LPIN3: variants seen among roughly 807,000 people sequenced by gnomAD.
LPIN3 encodes phosphatidate phosphatase LPIN3.
LPIN3 carries 82 observed loss-of-function variants against 94.7 expected under a neutral mutation model. The observed-to-expected ratio is 0.87, with a 90% CI of 0.72 to 1.04. LPIN3 has a LOEUF of 1.04. Ranked by LOEUF, LPIN3 falls within the 50% of genes least tolerant of loss-of-function variation. The pLI is 0.00. For synonymous variants in LPIN3, 418 were observed against 443.3 expected, an observed-to-expected ratio of 0.94 and a Z score of 0.72; for missense variants, 996 against 1,090.5, an observed-to-expected ratio of 0.91 and a Z score of 1.22.
Position 41,352,862 on chromosome 20 carries a change from C to A in LPIN3, c.1522C>A (p.Pro508Thr), listed in dbSNP as rs150225334. Residue 508 changes from proline (P) to threonine (T), a missense_variant, in exon 11 of 20, where the codon CCC becomes ACC. Physicochemically the swap from Pro to Thr is conservative, Grantham distance 38. Transcript: ENST00000373257. ...CCTGCAAGCCTTCCAGAAAAACTTG[C>A]CCAAGGTAATGGTTAGAGCACCACT... is the stretch of plus-strand genomic sequence containing the variant. ...LSLQAFQKNL[P>T]KSTMDKLERE... 1.6e-3 allele frequency: 2,660 copies of A among 1,614,178 alleles called. 5 individuals are homozygous for A. The highest frequency in any genetic ancestry group is 2.1e-3 in the Non-Finnish European group (2,505 of 1,180,006).
At chr20:41,345,392 A>T (rs964385786) in intron 1 of LPIN3, among the ~76,000 whole-genome samples, 2 of 152,192 alleles carry the variant, frequency 1.3e-5, no homozygotes, top group African/African-American at 4.8e-5. Context: ...GCTCATCTGT[A>T]AACAGGAATA....
intron 14 of LPIN3, 27 bp downstream of exon 14, chr20:41,356,061 T>C (rs1330209067): frequency 8.1e-6 from 13 of 1,608,376 alleles, no homozygotes; most frequent in Admixed American, 5.0e-5. Flanking sequence ...TGTGTGGAGG[T>C]TGGGGAGGGG....
At chr20:41,354,525 G>A in intron 11 of LPIN3, 120 bp from the exon 12 acceptor site, 5 of 891,746 alleles carry the variant, frequency 5.6e-6, no homozygotes, top group Non-Finnish European at 8.3e-6. Context: ...GATGTTGACA[G>A]CACCTTACCC....
In LPIN3 at chr20:41,348,845, G is replaced by A. The variant is rs1243087116; in HGVS notation, c.515G>A (p.Ser172Asn). ...SPEELEAGAE[S>N]ELSLPEKLRP... ...GAGGAACTGGAGGCAGGCGCTGAGAGTGAGCTATCCCTGCCGGAAAAGCTG... is the reference window on the plus strand; with the variant it reads ...GAGGAACTGGAGGCAGGCGCTGAGAATGAGCTATCCCTGCCGGAAAAGCTG... Residue 172 changes from serine (S) to asparagine (N), a missense_variant, in exon 4 of 20, where the codon AGT becomes AAT. Transcript: ENST00000373257. 2 of 1,608,746 alleles carry A rather than the reference G, an allele frequency of 1.2e-6. No individual in the cohort carries two copies. Among genetic ancestry groups the A allele is most frequent in the Non-Finnish European group, 1.7e-6 (2 of 1,177,588 alleles).
chr20:41,347,509 G>C, intron 2 of LPIN3, 43 bp from the exon 3 acceptor site: 2 of 1,589,104 alleles, frequency 1.3e-6, no homozygotes, highest in Non-Finnish European at 1.7e-6. Context: ...TCGGAAGCAT[G>C]GGCGTGAAGG....
At chr20:41,348,384 T>A (rs1380815857) in intron 3 of LPIN3, among the ~76,000 whole-genome samples, 1 of 152,102 alleles carries the variant, frequency 6.6e-6, no homozygotes, top group East Asian at 1.9e-4. Context: ...GAAGAGGAGA[T>A]CAGAGGCCGA....
At chr20:41,342,779 G>A (rs1421578075) in intron 1 of LPIN3, among the ~76,000 whole-genome samples, 1 of 152,162 alleles carries the variant, frequency 6.6e-6, no homozygotes. Flanking sequence ...TTGGTGAAGT[G>A]GGGGGAACAG....
chr20:41,355,212 C>G (rs2046168942), intron 13 of LPIN3, among the ~76,000 whole-genome samples: 1 of 152,168 alleles, frequency 6.6e-6, no homozygotes, highest in African/African-American at 2.4e-5. Flanking sequence ...AGGGTTTCAC[C>G]CTGTTGGTCA....
chr20:41,358,008 C>CA lies in LPIN3; in HGVS notation c.2167dup (p.Ser723LysfsTer26). 12 of 1,609,018 alleles carry CA rather than the reference C, an allele frequency of 7.5e-6. No individual in the cohort carries two copies. The highest frequency in any genetic ancestry group is 9.3e-6 in the Non-Finnish European group (11 of 1,177,736). ...CCAAGGGCCCCATCCTTCTGTCTCC[C>CA]AGCAGCCTCTTCTCTGCCCTCCACA... On this transcript the variant is annotated frameshift_variant, in exon 17 of 20. Transcript: ENST00000373257. LOFTEE classifies it high-confidence loss of function.
Position 41,357,871 on chromosome 20 carries a change from C to T in LPIN3, c.2040-11C>T. Reference sequence around the variant, plus strand: ...CTGATGGCTCTATGCCACCCTGTCCCCCACTCTCAGAAATGGGTACAAGTT... The same window carrying T: ...CTGATGGCTCTATGCCACCCTGTCCTCCACTCTCAGAAATGGGTACAAGTT... On this transcript the variant is annotated splice_polypyrimidine_tract_variant and intron_variant, in intron 16 of 19. Transcript: ENST00000373257. 1 of 1,614,000 alleles carries T rather than the reference C, an allele frequency of 6.2e-7. No homozygotes were observed. The highest frequency in any genetic ancestry group is 8.5e-7 in the Non-Finnish European group (1 of 1,179,982).
Position 41,357,873 on chromosome 20 carries a change from C to T in LPIN3, c.2040-9C>T, listed in dbSNP as rs775981379. ...GATGGCTCTATGCCACCCTGTCCCC[C>T]ACTCTCAGAAATGGGTACAAGTTCC... On this transcript the variant is annotated splice_polypyrimidine_tract_variant and intron_variant, in intron 16 of 19. Coordinates refer to ENST00000373257, the MANE Select transcript of LPIN3 (RefSeq NM_022896.3). The T allele has an allele frequency of 6.2e-7, 1 of 1,614,020 alleles. No homozygotes were observed. The highest frequency in any genetic ancestry group is 8.5e-7 in the Non-Finnish European group (1 of 1,179,974).
intron 1 of LPIN3, 43 bp downstream of exon 1, chr20:41,341,045 C>T (rs1278337439): frequency 6.6e-6 from 1 of 152,092 alleles, no homozygotes; most frequent in Non-Finnish European, 1.5e-5. Flanking sequence ...CCTCTCCCCT[C>T]CCGCCCTGCC....
chr20:41,350,133 C>A lies in LPIN3; in HGVS notation c.838C>A (p.Pro280Thr). 1 of 1,612,840 alleles carries A rather than the reference C, an allele frequency of 6.2e-7. No homozygotes were observed. The highest frequency in any genetic ancestry group is 8.5e-7 in the Non-Finnish European group (1 of 1,179,666). ...AGATSPPRGGPSTPSTSVAGG... is the reference protein window; with the variant it reads ...AGATSPPRGGTSTPSTSVAGG... ...GGCAACCTCTCCTCCTCGGGGAGGA[C>A]CCAGCACTCCCTCTACCTCTGTGGC... The change falls in exon 7 of 20, where the codon CCC becomes ACC. Residue 280 changes from proline (P) to threonine (T), a missense_variant. Transcript: ENST00000373257.
chr20:41,352,627 T>C lies in LPIN3; in HGVS notation c.1385T>C (p.Val462Ala). 6.2e-7 allele frequency: 1 copy of C among 1,614,154 alleles called. No homozygotes were observed. Among genetic ancestry groups the C allele is most frequent in the Non-Finnish European group, 8.5e-7 (1 of 1,180,010 alleles). ...CCAGAGAAATTCAACCAGCACAGCG[T>C]CTCTTACCAGGACCTCACCAAAAAC... ...ISLEKFNQHS[V>A]SYQDLTKNPG... The change falls in exon 10 of 20, where the codon GTC becomes GCC. Residue 462 changes from valine (V) to alanine (A), a missense_variant. Coordinates refer to ENST00000373257, the MANE Select transcript of LPIN3 (RefSeq NM_022896.3).
At position 41,354,656 on chromosome 20, in the gene LPIN3, C is replaced by T. The variant is rs1364814582; in HGVS notation, c.1539C>T (p.Asp513=). 1 of 1,587,432 alleles carries T rather than the reference C, an allele frequency of 6.3e-7. No individual in the cohort carries two copies. The highest frequency in any genetic ancestry group is 1.2e-5 in the South Asian group (1 of 85,992). Residue 513 remains aspartate (D), a synonymous_variant, in exon 12 of 20, where the codon GAC becomes GAT. Coordinates refer to ENST00000373257, the MANE Select transcript of LPIN3 (RefSeq NM_022896.3). ...TCATCTGCCCACAGAGCACCATGGA[C>T]AAGCTGGAGAGGGAGAAGATGCCCC... is the stretch of plus-strand genomic sequence containing the variant. ...FQKNLPKSTM[D]KLEREKMPRK...
chr20:41,347,403 C>CCGG, intron 2 of LPIN3, 149 bp from the exon 3 acceptor site: 1 of 673,008 alleles, frequency 1.5e-6, no homozygotes, highest in East Asian at 2.7e-5. Flanking sequence ...TCGTGGGGAG[C>CCGG]AGCCAGGCAC....
At chr20:41,350,001 G>A (rs924083017) in intron 6 of LPIN3, 54 bp from the exon 7 acceptor site, 22 of 1,558,916 alleles carry the variant, frequency 1.4e-5, no homozygotes, top group Non-Finnish European at 1.8e-5. Flanking sequence ...CAAAAGCTTT[G>A]TGGGGCATGG....
chr20:41,359,934 T>TC lies in LPIN3; in HGVS notation c.*1070dup, dbSNP rs2046335545. The TC allele has an allele frequency of 6.6e-6, 1 of 152,434 alleles. No homozygotes were observed. Among genetic ancestry groups the TC allele is most frequent in the Admixed American group, 6.5e-5 (1 of 15,280 alleles). The allele number at this position is 152,434 out of a possible 1,614,324, so 9.4% of individuals were successfully genotyped here. ...GCAGGGCTGATGCCCCAGCAACCTC[T>TC]CCTCCCACTGTCTTTGAAGAAAGTA... On this transcript the variant is annotated 3_prime_UTR_variant, in exon 20 of 20. Coordinates refer to ENST00000373257, the MANE Select transcript of LPIN3 (RefSeq NM_022896.3).
chr20:41,354,542 TG>T, intron 11 of LPIN3, 102 bp from the exon 12 acceptor site: 1 of 1,100,180 alleles, frequency 9.1e-7, no homozygotes, highest in Non-Finnish European at 1.3e-6. Context: ...ACCCTAGGGT[TG>T]GCTCAGACTC....
Sources: gnomAD v4.1 joint callset for allele counts (sites outside exome capture counted in the v4.1 genomes callset) on GRCh38, gnomAD v4.1.1 for gene constraint, MANE v1.5 for transcripts, NCBI Gene and HGNC (gene_info 2026-07-23, HGNC 2026-07-21) for gene names.